SNAP29: variants seen among roughly 807,000 people sequenced by gnomAD.
The protein encoded by SNAP29 is synaptosome associated protein 29.
In SNAP29, 13 loss-of-function variants were observed where a neutral mutation model predicts 27.9. The ratio of observed to expected loss-of-function variants is 0.47; its 90% confidence interval spans 0.30 to 0.74. SNAP29 has a LOEUF of 0.74. SNAP29 is among the 30% of genes least tolerant of loss of function. SNAP29 has a pLI of 0.06. For missense variants in SNAP29, 368 were observed against 336.5 expected, an observed-to-expected ratio of 1.09 and a Z score of -0.73; for synonymous variants, 119 against 127.1, an observed-to-expected ratio of 0.94 and a Z score of 0.43.
chr22:20,887,284 T>C (rs771575021), intron 4 of SNAP29, among the ~76,000 whole-genome samples: 15 of 152,006 alleles, frequency 9.9e-5, no homozygotes, highest in Non-Finnish European at 2.1e-4. Flanking sequence ...TGCTAAGCCT[T>C]TGTGTATCCT....
At chr22:20,864,207 A>C (rs755246386) in intron 1 of SNAP29, among the ~76,000 whole-genome samples, 5 of 152,170 alleles carry the variant, frequency 3.3e-5, no homozygotes, top group African/African-American at 9.7e-5. Context: ...GGAGTCCAGC[A>C]ACAAACATTA....
At position 20,888,040 on chromosome 22, in the gene SNAP29, TC is replaced by T. The variant is rs1929061582; in HGVS notation, c.*206del. On this transcript the variant is annotated 3_prime_UTR_variant, in exon 5 of 5. Coordinates refer to ENST00000215730, the MANE Select transcript of SNAP29 (RefSeq NM_004782.4). ...TAGGGTTAACACCTCACCAAGTTCT[TC>T]CAGCAAAATGCTTATTAGAGTTTTT... The T allele has an allele frequency of 3.4e-6, 2 of 580,618 alleles. No individual in the cohort carries two copies. The highest frequency in any genetic ancestry group is 2.0e-5 in the South Asian group (1 of 49,986). 36.0% of individuals were successfully genotyped at this position (580,618 alleles called of 1,614,324 possible). A position where few individuals can be genotyped will look rare whatever the true frequency, so the allele number is the denominator to read the frequency against.
At chr22:20,862,348 T>G (rs1928345286) in intron 1 of SNAP29, among the ~76,000 whole-genome samples, 1 of 152,118 alleles carries the variant, frequency 6.6e-6, no homozygotes, top group Non-Finnish European at 1.5e-5. Context: ...AATCTAGCTT[T>G]TAAGGCTGAG....
At chr22:20,876,255 CTTT>C (rs539425477) in intron 2 of SNAP29, among the ~76,000 whole-genome samples, 69 of 129,566 alleles carry the variant, frequency 5.3e-4, no homozygotes, top group Middle Eastern at 4.2e-3. Flanking sequence ...AAAACTTTGC[CTTT>C]TTTTTTTTTT....
At chr22:20,862,449 C>A (rs1928347913) in intron 1 of SNAP29, among the ~76,000 whole-genome samples, 1 of 152,012 alleles carries the variant, frequency 6.6e-6, no homozygotes, top group Admixed American at 6.5e-5. Flanking sequence ...GCTCCTGGGT[C>A]CAGAGGAGGG....
At position 20,859,252 on chromosome 22, in the gene SNAP29, G is replaced by A. The variant is rs1928141345; in HGVS notation, c.142G>A (p.Glu48Lys). Residue 48 changes from glutamate (E) to lysine (K), a missense_variant, in exon 1 of 5, where the codon GAG becomes AAG. By Grantham distance (56) the Glu-to-Lys change is moderately conservative. Transcript: ENST00000215730. ...GGACAGGCAGCAGTACTTGCGGCAG[G>A]AGGTCCTCCGCAGGGCTGAGGCCAC... ...PADRQQYLRQ[E>K]VLRRAEATAA... 2 of 1,605,594 alleles carry A rather than the reference G, an allele frequency of 1.2e-6. No homozygotes were observed. Among genetic ancestry groups the A allele is most frequent in the East Asian group, 2.2e-5 (1 of 44,640 alleles).
At chr22:20,868,169 G>C (rs1055095282) in intron 1 of SNAP29, among the ~76,000 whole-genome samples, 18 of 152,226 alleles carry the variant, frequency 1.2e-4, no homozygotes, top group African/African-American at 4.3e-4. Context: ...GGTGATGGAA[G>C]GAGCAGAAAT....
At chr22:20,863,711 A>G (rs2147860351) in intron 1 of SNAP29, among the ~76,000 whole-genome samples, 1 of 152,182 alleles carries the variant, frequency 6.6e-6, no homozygotes, top group East Asian at 1.9e-4. Context: ...AGAGATTCCA[A>G]TCACATGGTT....
intron 2 of SNAP29, among the ~76,000 whole-genome samples, chr22:20,872,344 G>T (rs1014959194): frequency 6.6e-6 from 1 of 151,856 alleles, no homozygotes; most frequent in African/African-American, 2.4e-5. Flanking sequence ...AGGTTAAAGC[G>T]ATTCTCCTGC....
chr22:20,876,156 C>CAA (rs1022119689), intron 2 of SNAP29, among the ~76,000 whole-genome samples: 1 of 110,718 alleles, frequency 9.0e-6, no homozygotes, highest in South Asian at 2.9e-4. Flanking sequence ...GACTCCATCT[C>CAA]AAAAAAAAAA....
intron 2 of SNAP29, among the ~76,000 whole-genome samples, chr22:20,871,755 G>A (rs1402386374): frequency 2.6e-5 from 4 of 152,114 alleles, no homozygotes; most frequent in East Asian, 3.9e-4. Context: ...GATGGCGGGC[G>A]CCCGTAGTCC....
chr22:20,874,124 T>A (rs1263416619), intron 2 of SNAP29, among the ~76,000 whole-genome samples: 27 of 149,420 alleles, frequency 1.8e-4, no homozygotes, highest in South Asian at 8.5e-4. Flanking sequence ...AAATACAAAA[T>A]ATTATCCGGG....
rs1262629993 is a variant in SNAP29, at chr22:20,890,024, A to G, written c.*2188A>G. On this transcript the variant is annotated 3_prime_UTR_variant, in exon 5 of 5. Coordinates refer to ENST00000215730, the MANE Select transcript of SNAP29 (RefSeq NM_004782.4). ...CTGGAAATTTGTCTTCGTCTGACAT[A>G]TTAGAGGGCCTCGTTTTGTCCTGTT... 1 of 374,154 alleles carries G rather than the reference A, an allele frequency of 2.7e-6. No homozygotes were observed. Among genetic ancestry groups the G allele is most frequent in the East Asian group, 3.8e-5 (1 of 26,046 alleles). The allele number at this position is 374,154 out of a possible 1,614,324, so 23.2% of individuals were successfully genotyped here.
chr22:20,883,606 T>C (rs781770006), intron 4 of SNAP29, 37 bp downstream of exon 4: 5 of 1,370,072 alleles, frequency 3.6e-6, no homozygotes, highest in Non-Finnish European at 5.2e-6. Flanking sequence ...TGTAAGCCAC[T>C]GTCCTTCAGG....
chr22:20,886,426 G>A (rs1034149455), intron 4 of SNAP29, among the ~76,000 whole-genome samples: 1 of 152,024 alleles, frequency 6.6e-6, no homozygotes, highest in Non-Finnish European at 1.5e-5. Context: ...TCATGCCTCA[G>A]CCTCCCGAGT....
intron 1 of SNAP29, 152 bp from the exon 2 acceptor site, chr22:20,870,185 T>C: frequency 2.8e-6 from 2 of 702,196 alleles, no homozygotes; most frequent in Non-Finnish European, 2.6e-6. Flanking sequence ...GAATGTGTTG[T>C]TGGAAAGGGT....
chr22:20,875,744 C>G (rs1232608335), intron 2 of SNAP29, among the ~76,000 whole-genome samples: 1 of 151,986 alleles, frequency 6.6e-6, no homozygotes, highest in African/African-American at 2.4e-5. Flanking sequence ...CACTTGGGGC[C>G]AGGAGTTGAA....
intron 3 of SNAP29, 38 bp from the exon 4 acceptor site, chr22:20,883,433 C>A: frequency 7.7e-7 from 1 of 1,306,736 alleles, no homozygotes; most frequent in Non-Finnish European, 1.1e-6. Flanking sequence ...GAAGGAATGT[C>A]AATTAACCGC....
rs1305896117 is a variant in SNAP29, at chr22:20,889,177, A to C, written c.*1341A>C. 1 of 152,246 alleles carries C rather than the reference A, an allele frequency of 6.6e-6. No individual in the cohort carries two copies. Among genetic ancestry groups the C allele is most frequent in the Non-Finnish European group, 1.5e-5 (1 of 68,050 alleles). The allele number at this position is 152,246 out of a possible 1,614,324, so 9.4% of individuals were successfully genotyped here. On this transcript the variant is annotated 3_prime_UTR_variant, in exon 5 of 5. Coordinates refer to ENST00000215730, the MANE Select transcript of SNAP29 (RefSeq NM_004782.4). ...AGTGCCTTTGACCTTAAAACATGGC[A>C]CTGGCCCATGTGACCTTTGCCATTT...
Sources: gnomAD v4.1 joint callset for allele counts (sites outside exome capture counted in the v4.1 genomes callset) on GRCh38, gnomAD v4.1.1 for gene constraint, MANE v1.5 for transcripts, NCBI Gene and HGNC (gene_info 2026-07-23, HGNC 2026-07-21) for gene names.